The following IL1RAPL2 variants were observed in gnomAD, a reference collection of about 807,000 sequenced individuals.
IL1RAPL2 encodes X-linked interleukin-1 receptor accessory protein-like 2.
Under a neutral mutation model 44.1 loss-of-function variants are expected in IL1RAPL2, and 3 were observed. The observed-to-expected ratio is 0.07, with a 90% CI of 0.03 to 0.18. The LOEUF (loss-of-function observed/expected upper bound fraction) is 0.18. Among genes scored for constraint, IL1RAPL2 ranks in the 10% least tolerant of loss-of-function variants. The probability of loss-of-function intolerance (pLI) is 1.00; values close to 1 mark genes in which losing one functional copy is unlikely to be tolerated. For synonymous variants in IL1RAPL2, 181 were observed against 178.8 expected (o/e 1.01, Z -0.10); for missense variants, 391 against 496.4 (o/e 0.79, Z 2.02).
At chrX:105,214,353 A>T (rs2033833988) in intron 3 of IL1RAPL2, among the ~76,000 whole-genome samples, 1 of 93,537 alleles carries the variant, frequency 1.1e-5, no homozygotes, top group Non-Finnish European at 1.9e-5. Flanking sequence ...TTAAACCAAC[A>T]AAGATAAAAA....
At chrX:105,675,708 G>T (rs1057448702) in intron 6 of IL1RAPL2, among the ~76,000 whole-genome samples, 6 of 111,422 alleles carry the variant, frequency 5.4e-5, no homozygotes, top group Non-Finnish European at 9.4e-5. Context: ...TCCTTTTCAA[G>T]TATTTGGAGT....
chrX:105,286,783 A>G (rs57321889), intron 5 of IL1RAPL2, among the ~76,000 whole-genome samples: 4,082 of 111,639 alleles, frequency 0.037, 208 homozygotes, highest in African/African-American at 0.12. Flanking sequence ...TCAGGACAGG[A>G]ATCATATCTA....
chrX:105,204,653 A>G (rs1286937324), intron 3 of IL1RAPL2, among the ~76,000 whole-genome samples: 9 of 111,918 alleles, frequency 8.0e-5, no homozygotes, highest in Non-Finnish European at 1.3e-4. Context: ...CTGTGGTGCA[A>G]TCTTCTATAT....
intron 1 of IL1RAPL2, among the ~76,000 whole-genome samples, chrX:104,640,092 T>C (rs144010447): frequency 1.8e-5 from 2 of 111,755 alleles, no homozygotes; most frequent in African/African-American, 6.5e-5. Flanking sequence ...TTCTTTTTTT[T>C]CACCTTTTGG....
intron 2 of IL1RAPL2, among the ~76,000 whole-genome samples, chrX:104,822,999 A>G (rs1054034953): frequency 9.0e-6 from 1 of 110,763 alleles, no homozygotes; most frequent in African/African-American, 3.3e-5. Context: ...ATTCCTAGGT[A>G]TTTTATTCTC....
intron 2 of IL1RAPL2, among the ~76,000 whole-genome samples, chrX:105,114,628 G>A (rs2032834627): frequency 8.9e-6 from 1 of 111,877 alleles, no homozygotes; most frequent in Non-Finnish European, 1.9e-5. Flanking sequence ...TGCAACTGTG[G>A]TCTTGCCCTA....
At chrX:105,661,183 G>T (rs973261120) in intron 6 of IL1RAPL2, among the ~76,000 whole-genome samples, 2 of 111,843 alleles carry the variant, frequency 1.8e-5, no homozygotes, top group Non-Finnish European at 3.8e-5. Flanking sequence ...TGTAAGAAGA[G>T]ACAAGATCAT....
chrX:105,227,119 C>T (rs923489007), intron 3 of IL1RAPL2, among the ~76,000 whole-genome samples: 1 of 106,080 alleles, frequency 9.4e-6, no homozygotes, highest in East Asian at 3.2e-4. Flanking sequence ...GTACCTAATG[C>T]TAAATGACGA....
At chrX:104,954,724 A>G (rs1013265720) in intron 2 of IL1RAPL2, among the ~76,000 whole-genome samples, 1 of 111,766 alleles carries the variant, frequency 8.9e-6, no homozygotes, top group Non-Finnish European at 1.9e-5. Context: ...GGTGACTGCT[A>G]GAGTATGAAA....
chrX:105,454,940 G>A (rs1294338985), intron 5 of IL1RAPL2, among the ~76,000 whole-genome samples: 2 of 108,679 alleles, frequency 1.8e-5, no homozygotes, highest in African/African-American at 3.4e-5. Context: ...AAGCACTAGC[G>A]GATACCACTG....
intron 6 of IL1RAPL2, among the ~76,000 whole-genome samples, chrX:105,509,335 A>AC (rs1354464914): frequency 9.0e-6 from 1 of 111,477 alleles, no homozygotes; most frequent in Non-Finnish European, 1.9e-5. Context: ...AGCTTGAGGA[A>AC]CTTACGAGAA....
At chrX:104,980,203 A>T (rs1366142651) in intron 2 of IL1RAPL2, among the ~76,000 whole-genome samples, 25 of 111,546 alleles carry the variant, frequency 2.2e-4, no homozygotes, top group African/African-American at 8.1e-4. Flanking sequence ...CAAAGAAAAA[A>T]ATTAGGATTC....
At chrX:104,839,200 T>C (rs1158348002) in intron 2 of IL1RAPL2, among the ~76,000 whole-genome samples, 1 of 111,074 alleles carries the variant, frequency 9.0e-6, no homozygotes, top group Non-Finnish European at 1.9e-5. Context: ...CAGTATGATA[T>C]TGGCTATGGA....
At chrX:105,371,220 A>G (rs1167306073) in intron 5 of IL1RAPL2, among the ~76,000 whole-genome samples, 1 of 111,867 alleles carries the variant, frequency 8.9e-6, no homozygotes, top group African/African-American at 3.2e-5. Flanking sequence ...TGCTGTGAAG[A>G]AGTTCTTTAG....
intron 2 of IL1RAPL2, among the ~76,000 whole-genome samples, chrX:104,704,646 A>G (rs1931335745): frequency 9.0e-6 from 1 of 111,684 alleles, no homozygotes; most frequent in African/African-American, 3.3e-5. Flanking sequence ...ACTTTGGGCC[A>G]AGATTATACA....
chrX:104,852,634 A>G (rs751159821), intron 2 of IL1RAPL2, among the ~76,000 whole-genome samples: 1 of 111,991 alleles, frequency 8.9e-6, no homozygotes, highest in South Asian at 3.8e-4. Flanking sequence ...AGTGACCTGA[A>G]GAAAAACTTG....
intron 5 of IL1RAPL2, among the ~76,000 whole-genome samples, chrX:105,302,875 G>A (rs1350443661): frequency 8.9e-6 from 1 of 112,193 alleles, no homozygotes; most frequent in African/African-American, 3.2e-5. Flanking sequence ...GTACCCCAGA[G>A]CACTTTAGCC....
chrX:104,925,601 A>G (rs751057403), intron 2 of IL1RAPL2, among the ~76,000 whole-genome samples: 18 of 112,215 alleles, frequency 1.6e-4, no homozygotes, highest in Non-Finnish European at 3.2e-4. Flanking sequence ...GACAAAAATC[A>G]CATGATTATC....
At chrX:105,343,040 T>C (rs185522891) in intron 5 of IL1RAPL2, among the ~76,000 whole-genome samples, 13 of 102,476 alleles carry the variant, frequency 1.3e-4, no homozygotes, top group African/African-American at 5.8e-4. Context: ...ACATAGCTAT[T>C]CTATTAAAAA....
Sources: allele counts gnomAD v4.1 joint callset (sites outside exome capture counted in the v4.1 genomes callset), GRCh38; gene constraint gnomAD v4.1.1; transcripts MANE v1.5; gene names NCBI Gene and HGNC (gene_info 2026-07-23, HGNC 2026-07-21).